GRM7: variants seen among roughly 807,000 people sequenced by gnomAD.
GRM7 encodes metabotropic glutamate receptor 7.
GRM7 carries 35 observed loss-of-function variants against 84.5 expected under a neutral mutation model. The observed-to-expected ratio is 0.41, with a 90% CI of 0.32 to 0.55. The LOEUF is 0.55. GRM7 is among the 20% of genes least tolerant of loss of function. The pLI is 0.19. For missense variants in GRM7, 1,003 were observed against 1,194.6 expected (o/e 0.84, Z 2.36); for synonymous variants, 487 against 455.1 (o/e 1.07, Z -0.89).
chr3:7,443,151 G>A (rs966447185), intron 5 of GRM7, among the ~76,000 whole-genome samples: 2 of 152,000 alleles, frequency 1.3e-5, no homozygotes, highest in African/African-American at 2.4e-5. Flanking sequence ...AGCAGAAAGA[G>A]TAGTGTAATG....
intron 1 of GRM7, among the ~76,000 whole-genome samples, chr3:7,040,195 C>T (rs1239414387): frequency 3.3e-5 from 5 of 152,182 alleles, no homozygotes; most frequent in Middle Eastern, 3.2e-3. Flanking sequence ...CTAGTTCCAG[C>T]GTCTCTACAA....
chr3:7,281,578 C>T (rs541933982), intron 2 of GRM7, among the ~76,000 whole-genome samples: 14 of 152,298 alleles, frequency 9.2e-5, no homozygotes, highest in Admixed American at 3.3e-4. Flanking sequence ...CCTTTTACTA[C>T]AGTTTTCCTA....
intron 9 of GRM7, among the ~76,000 whole-genome samples, chr3:7,704,628 A>C (rs186082637): frequency 3.1e-3 from 474 of 152,354 alleles, no homozygotes; most frequent in Middle Eastern, 0.014. Flanking sequence ...CACTGTTGTC[A>C]TGCAGCTAGC....
intron 1 of GRM7, among the ~76,000 whole-genome samples, chr3:6,894,783 A>G (rs1696113511): frequency 6.6e-6 from 1 of 152,160 alleles, no homozygotes; most frequent in Non-Finnish European, 1.5e-5. Context: ...ACCTTGATGG[A>G]AAAGCATTCA....
chr3:7,503,789 C>A (rs1281344624), intron 7 of GRM7, among the ~76,000 whole-genome samples: 1 of 152,144 alleles, frequency 6.6e-6, no homozygotes. Context: ...ATTGAACTGT[C>A]AGCTTTTTCA....
At chr3:7,617,103 A>T (rs1418052700) in intron 8 of GRM7, among the ~76,000 whole-genome samples, 3 of 152,166 alleles carry the variant, frequency 2.0e-5, no homozygotes, top group African/African-American at 7.2e-5. Flanking sequence ...TTACCCATTT[A>T]TGCTGGAGGT....
rs1271988286 is a variant in GRM7 at position 7,146,767 on chromosome 3, C to A, written c.736+99C>A. On this transcript the variant is annotated intron_variant, in intron 2 of 9. Transcript: ENST00000357716. ...ATTAAATAAACACTACAGACTCTTA[C>A]ATTCCCAGAGTCCTGTGAAGTACAC... 3.8e-6 allele frequency: 3 copies of A among 788,026 alleles called. No homozygotes were observed. In the East Asian group the frequency reaches 7.9e-5, roughly 21 times the overall value. 48.8% of individuals were successfully genotyped at this position (788,026 alleles called of 1,614,324 possible). A position where few individuals can be genotyped will look rare whatever the true frequency, so the allele number is the denominator to read the frequency against.
intron 1 of GRM7, among the ~76,000 whole-genome samples, chr3:7,118,672 G>A (rs1474863708): frequency 2.6e-5 from 4 of 151,716 alleles, no homozygotes; most frequent in African/African-American, 7.3e-5. Flanking sequence ...CTTTCTAGTA[G>A]TGAGATAAAA....
chr3:7,300,694 A>C (rs1352707025), intron 3 of GRM7, among the ~76,000 whole-genome samples: 1 of 151,654 alleles, frequency 6.6e-6, no homozygotes, highest in African/African-American at 2.4e-5. Context: ...CTGCTTCATC[A>C]CCTCAATGCT....
chr3:7,344,973 T>G (rs1486682257), intron 4 of GRM7, among the ~76,000 whole-genome samples: 7 of 152,190 alleles, frequency 4.6e-5, no homozygotes. Context: ...GATATGCTAA[T>G]TATTCTGATT....
At chr3:7,324,823 T>TCAGCAAATTCTCTTGTATCCAGCTTTA (rs1188095272) in intron 4 of GRM7, among the ~76,000 whole-genome samples, 1 of 152,130 alleles carries the variant, frequency 6.6e-6, no homozygotes, top group Non-Finnish European at 1.5e-5. Context: ...ATCTCCAATA[T>TCAGCAAATTCTCTTGTATCCAGCTTTA]CAGCAAATTC....
chr3:7,350,907 G>C (rs1210919764), intron 4 of GRM7, among the ~76,000 whole-genome samples: 2 of 152,028 alleles, frequency 1.3e-5, no homozygotes, highest in Non-Finnish European at 2.9e-5. Context: ...AAGACAATAT[G>C]ACCAAATGAT....
intron 2 of GRM7, among the ~76,000 whole-genome samples, chr3:7,202,328 G>A (rs957562165): frequency 2.4e-4 from 36 of 151,998 alleles, no homozygotes; most frequent in African/African-American, 7.5e-4. Context: ...TTTTTTGTAT[G>A]TTTGTTTGTT....
At chr3:7,214,483 G>A (rs907502108) in intron 2 of GRM7, among the ~76,000 whole-genome samples, 3 of 152,146 alleles carry the variant, frequency 2.0e-5, no homozygotes, top group Non-Finnish European at 4.4e-5. Context: ...TGGATTTCTG[G>A]ATAACGGAGC....
At chr3:7,327,610 C>T (rs1476148977) in intron 4 of GRM7, among the ~76,000 whole-genome samples, 1 of 152,170 alleles carries the variant, frequency 6.6e-6, no homozygotes, top group East Asian at 1.9e-4. Context: ...ATCCCATTGC[C>T]ACTCCCTAGT....
In GRM7 at chr3:7,170,278, C is replaced by G. The variant is rs536075178; in HGVS notation, c.736+23610C>G. On this transcript the variant is annotated intron_variant, in intron 2 of 9. Coordinates refer to ENST00000357716, the MANE Select transcript of GRM7 (RefSeq NM_000844.4). ...AAGTGGGTATTGGGTGGTTCATGGG[C>G]AAATCGTGGAGGCCAGTTTTCCAGA... is the stretch of plus-strand genomic sequence containing the variant. Among the ~76,000 whole-genome samples the G allele has an allele frequency of 2.6e-5, 4 of 152,242 alleles. No individual in the cohort carries two copies. The East Asian group carries it at 7.7e-4, about 29-fold the overall frequency.
intron 5 of GRM7, among the ~76,000 whole-genome samples, chr3:7,421,921 A>C (rs1217536426): frequency 1.3e-5 from 2 of 150,346 alleles, no homozygotes; most frequent in African/African-American, 4.9e-5. Flanking sequence ...AACAGTAAAA[A>C]AAAAAAAAAA....
intron 2 of GRM7, among the ~76,000 whole-genome samples, chr3:7,155,103 A>T (rs1396798957): frequency 1.3e-5 from 2 of 152,162 alleles, no homozygotes; most frequent in Non-Finnish European, 2.9e-5. Flanking sequence ...TAGTGTCATT[A>T]CTGAAGTCTG....
At chr3:7,252,474 G>C (rs920029163) in intron 2 of GRM7, among the ~76,000 whole-genome samples, 1 of 152,124 alleles carries the variant, frequency 6.6e-6, no homozygotes, top group Non-Finnish European at 1.5e-5. Context: ...GGTCCTTTGA[G>C]AATCTGATGG....
Sources: allele counts gnomAD v4.1 joint callset (sites outside exome capture counted in the v4.1 genomes callset), GRCh38; gene constraint gnomAD v4.1.1; transcripts MANE v1.5; gene names NCBI Gene and HGNC (gene_info 2026-07-23, HGNC 2026-07-21).